SNX25: variants seen among roughly 807,000 people sequenced by gnomAD.
SNX25 encodes the protein sorting nexin 25.
Under a neutral mutation model 113.7 loss-of-function variants are expected in SNX25, and 62 were observed. The observed-to-expected ratio is 0.55, with a 90% CI of 0.44 to 0.67. The LOEUF is 0.67. Among genes scored for constraint, SNX25 ranks in the 30% least tolerant of loss-of-function variants. The pLI is 0.00. For synonymous variants in SNX25, 421 were observed against 436.2 expected (o/e 0.97, Z 0.43); for missense variants, 1,014 against 1,161.0 (o/e 0.87, Z 1.84).
Position 185,323,529 on chromosome 4 carries a change from A to G in SNX25, c.1478A>G (p.Asn493Ser). 2 of 1,607,418 alleles carry G rather than the reference A, an allele frequency of 1.2e-6. No homozygotes were observed. The highest frequency in any genetic ancestry group is 1.7e-6 in the Non-Finnish European group (2 of 1,177,760). ...TTCCTTATCTTCCTGTCTTTTCAGA[A>G]TGAAATTCCACAATTAGTTGGTGAA... ...SVEHLKNANK[N>S]EIPQLVGEIY... Residue 493 changes from asparagine to serine, a missense_variant and splice_region_variant, in exon 9 of 19, where the codon AAT becomes AGT. Coordinates refer to ENST00000652585, the MANE Select transcript of SNX25 (RefSeq NM_001378034.2).
chr4:185,265,221 A>G (rs1747887196), intron 4 of SNX25, among the ~76,000 whole-genome samples: 1 of 152,214 alleles, frequency 6.6e-6, no homozygotes, highest in South Asian at 2.1e-4. Context: ...TTGCTTAACA[A>G]CAGGGATGTG....
chr4:185,348,715 T>C (rs1337575838), intron 13 of SNX25, among the ~76,000 whole-genome samples: 1 of 152,176 alleles, frequency 6.6e-6, no homozygotes, highest in African/African-American at 2.4e-5. Flanking sequence ...CATTTCTTCG[T>C]GGTGAGAACA....
chr4:185,288,160 C>A lies in SNX25; in HGVS notation c.1162+78C>A, dbSNP rs1307941186. ...CCCGGCCTTCTCCCACCTGTCAGAT[C>A]TTTGGCAAATAGGAGCTTTTCTGGC... On this transcript the variant is annotated intron_variant, in intron 6 of 18. Coordinates refer to ENST00000652585, the MANE Select transcript of SNX25 (RefSeq NM_001378034.2). The A allele has an allele frequency of 8.9e-5, 101 of 1,135,512 alleles. No homozygotes were observed. In the East Asian group the frequency reaches 2.4e-3, roughly 27 times the overall value. The allele number at this position is 1,135,512 out of a possible 1,614,324, so 70.3% of individuals were successfully genotyped here.
Position 185,265,688 on chromosome 4 carries a change from T to C in SNX25, c.904+1078T>C, listed in dbSNP as rs558225425. On this transcript the variant is annotated intron_variant, in intron 4 of 18. Transcript: ENST00000652585. ...ATAACTTTTTTTACTTTATGAACTT[T>C]TAATTTTTTTAAACTTTTTGACTCT... 3.1e-4 allele frequency among the ~76,000 whole-genome samples: 47 copies of C among 152,380 alleles called. 1 individual carries two copies. The South Asian group carries it at 5.0e-3, about 16-fold the overall frequency.
chr4:185,332,679 C>T lies in SNX25; in HGVS notation c.1834C>T (p.Leu612=). 2 of 1,614,104 alleles carry T rather than the reference C, an allele frequency of 1.2e-6. No individual in the cohort carries two copies. Among genetic ancestry groups the T allele is most frequent in the Non-Finnish European group, 1.7e-6 (2 of 1,179,988 alleles). ...NEQASFAVNK[L]RELNEKLEYK... The stretch of plus-strand genomic sequence containing the variant: ...ACAAGCCAGTTTTGCTGTAAACAAA[C>T]TGCGAGAACTAAATGAGAAACTTGA... The change falls in exon 10 of 19, where the codon CTG becomes TTG. Residue 612 remains leucine, a synonymous_variant. Coordinates refer to ENST00000652585, the MANE Select transcript of SNX25 (RefSeq NM_001378034.2).
downstream of SNX25, among the ~76,000 whole-genome samples, chr4:185,375,107 A>C (rs2095428861): frequency 6.6e-6 from 1 of 151,786 alleles, no homozygotes; most frequent in Non-Finnish European, 1.5e-5. Flanking sequence ...TGGACAATCA[A>C]ATATATTTTG....
intron 8 of SNX25, 69 bp downstream of exon 8, chr4:185,320,933 T>A: frequency 7.3e-7 from 1 of 1,368,166 alleles, no homozygotes; most frequent in Non-Finnish European, 9.7e-7. Context: ...AGGCAGCATG[T>A]CTGTTTTTCT....
In SNX25 at chr4:185,210,730, C is replaced by T. The variant is rs1389637673; in HGVS notation, c.429+475C>T. ...TTCGGTCCCTGGCCCAGCGCCTCAC[C>T]CCCAAGCCCGCGTACCCTTCCCACC... On this transcript the variant is annotated intron_variant, in intron 1 of 18. Transcript: ENST00000652585. This position sits in a 1 kb window ranked among gnomAD's most constrained non-coding sequence, Gnocchi z 4.4. Among the ~76,000 whole-genome samples, 3 of 151,966 alleles carry T rather than the reference C, an allele frequency of 2.0e-5. No individual in the cohort carries two copies. The highest frequency in any genetic ancestry group is 6.6e-5 in the Admixed American group (1 of 15,264).
chr4:185,262,869 A>G (rs1400986456), intron 3 of SNX25, among the ~76,000 whole-genome samples: 1 of 152,268 alleles, frequency 6.6e-6, no homozygotes, highest in Admixed American at 6.5e-5. Flanking sequence ...CCAGAAGGCT[A>G]GTAGATGCCT....
chr4:185,317,083 G>A (rs961024645), intron 7 of SNX25, among the ~76,000 whole-genome samples: 43 of 152,112 alleles, frequency 2.8e-4, no homozygotes, highest in African/African-American at 9.4e-4. Flanking sequence ...ATCTGACAAA[G>A]GTCTAATATC....
chr4:185,241,820 G>C (rs1728534339), intron 1 of SNX25, among the ~76,000 whole-genome samples: 1 of 152,094 alleles, frequency 6.6e-6, no homozygotes, highest in Admixed American at 6.5e-5. Flanking sequence ...TGATTGTCAG[G>C]AAGAGGTTGT....
intron 5 of SNX25, among the ~76,000 whole-genome samples, chr4:185,268,278 G>A (rs1008561804): frequency 6.6e-6 from 1 of 152,158 alleles, no homozygotes; most frequent in African/African-American, 2.4e-5. Context: ...CAGTACAGAG[G>A]CTTGGGTTTG....
downstream of SNX25, among the ~76,000 whole-genome samples, chr4:185,371,403 A>T (rs144239921): frequency 2.4e-4 from 37 of 152,120 alleles, no homozygotes; most frequent in African/African-American, 8.4e-4. Context: ...TTAGCTGGGC[A>T]TGGTAGCGGG....
intron 1 of SNX25, among the ~76,000 whole-genome samples, chr4:185,246,495 A>AT (rs1246259371): frequency 6.6e-6 from 1 of 151,994 alleles, no homozygotes; most frequent in Non-Finnish European, 1.5e-5. Context: ...AGGGGATTGC[A>AT]TTTTTTTGTC....
chr4:185,305,647 TTCGTAAGTCTGTTGTAATG>T (rs1443316294), intron 6 of SNX25, among the ~76,000 whole-genome samples: 1 of 152,234 alleles, frequency 6.6e-6, no homozygotes, highest in African/African-American at 2.4e-5. Flanking sequence ...TGTGATGTTA[TTCGTAAGTCTGTTGTAATG>T]TCTTTGTAGC....
chr4:185,310,597 G>A, intron 6 of SNX25, 38 bp from the exon 7 acceptor site: 1 of 1,581,264 alleles, frequency 6.3e-7, no homozygotes, highest in Non-Finnish European at 8.6e-7. Flanking sequence ...TTCATGCCTT[G>A]TCCTCTGACC....
At chr4:185,340,506 G>A (rs2126722199) in intron 11 of SNX25, among the ~76,000 whole-genome samples, 1 of 152,246 alleles carries the variant, frequency 6.6e-6, no homozygotes, top group Middle Eastern at 3.4e-3. Flanking sequence ...ATCAGGGAAG[G>A]TCATGCCCAG....
chr4:185,287,281 C>G lies in SNX25; in HGVS notation c.1092-731C>G, dbSNP rs181473076. On this transcript the variant is annotated intron_variant, in intron 5 of 18. Transcript: ENST00000652585. ...GGCACACATATATATAGCTGGTGCT[C>G]TAATCTCATGCTTCTCAGCTCTCCG... Among the ~76,000 whole-genome samples, 218 of 152,312 alleles carry G rather than the reference C, an allele frequency of 1.4e-3. 1 individual carries two copies. The highest frequency in any genetic ancestry group is 5.0e-3 in the African/African-American group (209 of 41,582).
chr4:185,268,793 T>C (rs1748503590), intron 5 of SNX25, among the ~76,000 whole-genome samples: 1 of 152,216 alleles, frequency 6.6e-6, no homozygotes, highest in Non-Finnish European at 1.5e-5. Context: ...TGTGTTAATC[T>C]AGGTGTCACA....
Sources: allele counts gnomAD v4.1 joint callset (sites outside exome capture counted in the v4.1 genomes callset), GRCh38; gene constraint gnomAD v4.1.1; non-coding constraint Gnocchi (gnomAD v3.1); transcripts MANE v1.5; gene names NCBI Gene and HGNC (gene_info 2026-07-23, HGNC 2026-07-21).